HS3ST4: variants seen among roughly 807,000 people sequenced by gnomAD.
HS3ST4 encodes heparan sulfate glucosamine 3-O-sulfotransferase 4.
A neutral mutation model predicts 29.2 loss-of-function variants in HS3ST4; 17 were observed. That is an observed-to-expected ratio of 0.58 (90% confidence interval 0.40 to 0.87). The LOEUF is 0.87. Ranked by LOEUF, HS3ST4 falls within the 40% of genes least tolerant of loss-of-function variation. The pLI, the probability that HS3ST4 is intolerant of heterozygous loss-of-function variation, is 0.00. For missense variants in HS3ST4, 627 were observed against 634.5 expected (o/e 0.99, Z 0.13); for synonymous variants, 314 against 285.7 (o/e 1.10, Z -1.00).
At chr16:25,873,319 CAT>C (rs1491358007) in intron 1 of HS3ST4, among the ~76,000 whole-genome samples, 1 of 71,838 alleles carries the variant, frequency 1.4e-5, no homozygotes, top group East Asian at 2.4e-4. Context: ...TCCATCCATC[CAT>C]CCTTCCTTCC....
At chr16:25,776,595 C>T (rs958182084) in intron 1 of HS3ST4, among the ~76,000 whole-genome samples, 3 of 152,136 alleles carry the variant, frequency 2.0e-5, no homozygotes, top group East Asian at 1.9e-4. Flanking sequence ...GCATCCTCAA[C>T]CTTGGCAAAA....
chr16:25,713,787 A>C (rs1966433429), intron 1 of HS3ST4, among the ~76,000 whole-genome samples: 1 of 152,146 alleles, frequency 6.6e-6, no homozygotes. Flanking sequence ...CTCAGAGAGA[A>C]CACAACTCGG....
At chr16:25,883,432 C>G (rs1227957885) in intron 1 of HS3ST4, among the ~76,000 whole-genome samples, 1 of 152,106 alleles carries the variant, frequency 6.6e-6, no homozygotes, top group Non-Finnish European at 1.5e-5. Flanking sequence ...AGAGAATGCT[C>G]TAGCTGTTGA....
chr16:25,816,890 A>G (rs777870767), intron 1 of HS3ST4, among the ~76,000 whole-genome samples: 25 of 152,202 alleles, frequency 1.6e-4, no homozygotes, highest in African/African-American at 6.0e-4. Context: ...CCTCTTATAA[A>G]GCCACCAATC....
chr16:26,044,275 C>T (rs1039869864), intron 1 of HS3ST4, among the ~76,000 whole-genome samples: 15 of 152,292 alleles, frequency 9.8e-5, no homozygotes, highest in African/African-American at 3.6e-4. Flanking sequence ...CAAGGAGTAG[C>T]CAAGGGACCA....
chr16:26,024,740 A>G (rs1291303383), intron 1 of HS3ST4, among the ~76,000 whole-genome samples: 2 of 152,222 alleles, frequency 1.3e-5, no homozygotes, highest in East Asian at 1.9e-4. Context: ...CTCAAAAAAA[A>G]GTCTCATTTA....
At chr16:25,987,893 C>T (rs1969079183) in intron 1 of HS3ST4, among the ~76,000 whole-genome samples, 1 of 152,160 alleles carries the variant, frequency 6.6e-6, no homozygotes, top group African/African-American at 2.4e-5. Flanking sequence ...GCATCAGCCT[C>T]TCAAGTAGCT....
At chr16:26,096,298 G>T (rs1278409939) in intron 1 of HS3ST4, among the ~76,000 whole-genome samples, 2 of 152,064 alleles carry the variant, frequency 1.3e-5, no homozygotes, top group East Asian at 3.9e-4. Flanking sequence ...CAAAAAAAGA[G>T]AATTGTAGAC....
At chr16:26,123,981 T>C (rs1397758616) in intron 1 of HS3ST4, among the ~76,000 whole-genome samples, 1 of 152,020 alleles carries the variant, frequency 6.6e-6, no homozygotes, top group Admixed American at 6.6e-5. Flanking sequence ...AGTGCAATGG[T>C]GCAATCTCAG....
Position 26,113,504 on chromosome 16 carries a change from G to A in HS3ST4, c.735-22108G>A, listed in dbSNP as rs904365006. Among the ~76,000 whole-genome samples, 25 of 151,276 alleles carry A rather than the reference G, an allele frequency of 1.7e-4. 1 individual carries two copies. Among genetic ancestry groups the A allele is most frequent in the East Asian group, 1.5e-3 (8 of 5,168 alleles). On this transcript the variant is annotated intron_variant, in intron 1 of 1. Transcript: ENST00000331351. Reference sequence around the variant, plus strand: ...TGTGTGTGTGTGTGTGTGTGTGTGTGTGTGTATGCAAGAGGAAGATAAACA... The same window carrying A: ...TGTGTGTGTGTGTGTGTGTGTGTGTATGTGTATGCAAGAGGAAGATAAACA...
At chr16:25,828,218 TTTCC>T (rs1253051441) in intron 1 of HS3ST4, among the ~76,000 whole-genome samples, 2 of 144,712 alleles carry the variant, frequency 1.4e-5, no homozygotes, top group Non-Finnish European at 1.5e-5. Flanking sequence ...GCTTGCTTTC[TTTCC>T]TTTCTTTCTT....
intron 1 of HS3ST4, among the ~76,000 whole-genome samples, chr16:25,989,130 T>C (rs538105096): frequency 6.6e-6 from 1 of 152,302 alleles, no homozygotes; most frequent in South Asian, 2.1e-4. Context: ...GCGTTTGGCT[T>C]ATTTGAATCT....
intron 1 of HS3ST4, among the ~76,000 whole-genome samples, chr16:25,861,445 A>C (rs528598461): frequency 4.6e-5 from 7 of 152,336 alleles, no homozygotes; most frequent in African/African-American, 1.4e-4. Flanking sequence ...CTGACCAGTA[A>C]TGAAGGTCTA....
chr16:26,133,428 C>T (rs1294655967), intron 1 of HS3ST4, among the ~76,000 whole-genome samples: 2 of 152,184 alleles, frequency 1.3e-5, no homozygotes, highest in African/African-American at 4.8e-5. Context: ...TTCCTTAGCC[C>T]TGTTCCTCCA....
rs574064915 is a variant in HS3ST4, at chr16:25,761,295, G to A, written c.734+68144G>A. 2.5e-3 allele frequency among the ~76,000 whole-genome samples: 375 copies of A among 152,340 alleles called. 2 individuals are homozygous for A. Among genetic ancestry groups the A allele is most frequent in the African/African-American group, 8.7e-3 (360 of 41,584 alleles). On this transcript the variant is annotated intron_variant, in intron 1 of 1. Transcript: ENST00000331351. ...TGCTCAATAGGACATTCTGTGAGATGGAAATGTTCTCTGTGCTGTCCAAAA... is the reference window on the plus strand; with the variant it reads ...TGCTCAATAGGACATTCTGTGAGATAGAAATGTTCTCTGTGCTGTCCAAAA...
chr16:26,116,953 A>G lies in HS3ST4; in HGVS notation c.735-18659A>G, dbSNP rs117249904. 9.9e-4 allele frequency among the ~76,000 whole-genome samples: 151 copies of G among 152,326 alleles called. 4 individuals are homozygous for G. In the East Asian group the frequency reaches 0.028, roughly 28 times the overall value. On this transcript the variant is annotated intron_variant, in intron 1 of 1. Coordinates refer to ENST00000331351, the MANE Select transcript of HS3ST4 (RefSeq NM_006040.3). ...GTCCCAGAATCTGAAAAAAATCCCA[A>G]ATCTGAAACACTTCTGGTCCCAAGC...
chr16:25,779,213 G>A (rs980593778), intron 1 of HS3ST4, among the ~76,000 whole-genome samples: 4 of 152,208 alleles, frequency 2.6e-5, no homozygotes, highest in African/African-American at 4.8e-5. Context: ...TGGGAGAAAG[G>A]TGGGTCACCA....
intron 1 of HS3ST4, among the ~76,000 whole-genome samples, chr16:25,999,211 A>C (rs1213717901): frequency 1.3e-5 from 2 of 152,130 alleles, no homozygotes; most frequent in Non-Finnish European, 2.9e-5. Flanking sequence ...GTTGTACACT[A>C]ATTCTAAAGG....
intron 1 of HS3ST4, among the ~76,000 whole-genome samples, chr16:26,131,176 G>A (rs886337429): frequency 5.3e-5 from 8 of 151,902 alleles, no homozygotes; most frequent in African/African-American, 1.9e-4. Flanking sequence ...CTACACCCAG[G>A]CCCCCCACCA....
Sources: allele counts gnomAD v4.1 joint callset (sites outside exome capture counted in the v4.1 genomes callset), GRCh38; gene constraint gnomAD v4.1.1; transcripts MANE v1.5; gene names NCBI Gene and HGNC (gene_info 2026-07-23, HGNC 2026-07-21).